APBB1IP: variants seen among roughly 807,000 people sequenced by gnomAD.
APBB1IP encodes the protein amyloid beta A4 precursor protein-binding family B member 1-interacting protein.
Under a neutral mutation model 64.9 loss-of-function variants are expected in APBB1IP, and 27 were observed. The observed-to-expected ratio is 0.42, with a 90% CI of 0.31 to 0.57. APBB1IP has a LOEUF of 0.57. Among genes scored for constraint, APBB1IP ranks in the 20% least tolerant of loss-of-function variants. APBB1IP has a pLI of 0.20. For synonymous variants in APBB1IP, 392 were observed against 331.0 expected (o/e 1.18, Z -2.00); for missense variants, 812 against 845.5 (o/e 0.96, Z 0.49).
At chr10:26,516,789 A>G (rs2040028) in intron 8 of APBB1IP, among the ~76,000 whole-genome samples, 11,425 of 152,206 alleles carry the variant, frequency 0.075, 517 homozygotes, top group Non-Finnish European at 0.1. Flanking sequence ...AACGTCTTGC[A>G]TGACTCAGCT....
chr10:26,531,396 G>A (rs139993541), intron 8 of APBB1IP, among the ~76,000 whole-genome samples: 1,989 of 152,042 alleles, frequency 0.013, 39 homozygotes, highest in African/African-American at 0.045. Flanking sequence ...AGCCAGGCGC[G>A]GTGGCTCATG....
At chr10:26,544,108 A>C (rs1287409747) in intron 11 of APBB1IP, among the ~76,000 whole-genome samples, 1 of 152,232 alleles carries the variant, frequency 6.6e-6, no homozygotes, top group Non-Finnish European at 1.5e-5. Context: ...TCTCTCAGAC[A>C]GTTTCTCAGG....
intron 2 of APBB1IP, among the ~76,000 whole-genome samples, chr10:26,476,446 CA>C (rs58548133): frequency 3.1e-4 from 24 of 78,226 alleles, no homozygotes; most frequent in East Asian, 8.0e-4. Flanking sequence ...GACCCTGTCT[CA>C]AAAAAAAAAA....
intron 2 of APBB1IP, among the ~76,000 whole-genome samples, chr10:26,491,453 C>T (rs546507523): frequency 1.8e-4 from 27 of 152,250 alleles, no homozygotes; most frequent in Middle Eastern, 3.4e-3. Flanking sequence ...CTTAGCCTTG[C>T]CAAAAATGTC....
chr10:26,487,395 T>A (rs937739627), intron 2 of APBB1IP, among the ~76,000 whole-genome samples: 1 of 152,230 alleles, frequency 6.6e-6, no homozygotes, highest in African/African-American at 2.4e-5. Flanking sequence ...GTAATATGAC[T>A]GAATTTACAG....
At chr10:26,501,283 C>A in intron 5 of APBB1IP, 172 bp downstream of exon 5, 1 of 845,652 alleles carries the variant, frequency 1.2e-6, no homozygotes, top group Non-Finnish European at 1.8e-6. Flanking sequence ...GTAAGCAAGC[C>A]ACATGGGTGT....
intron 11 of APBB1IP, among the ~76,000 whole-genome samples, chr10:26,550,526 A>G (rs1025168940): frequency 2.0e-5 from 3 of 151,910 alleles, no homozygotes; most frequent in African/African-American, 7.3e-5. Context: ...TGCTTGATCA[A>G]TTCTGCAGTT....
intron 8 of APBB1IP, 40 bp from the exon 9 acceptor site, chr10:26,533,399 A>G (rs929985651): frequency 2.3e-6 from 3 of 1,323,294 alleles, no homozygotes; most frequent in Non-Finnish European, 3.2e-6. Context: ...TAGTACGGTA[A>G]TGAACACTTA....
At chr10:26,500,778 C>A in intron 4 of APBB1IP, 41 bp from the exon 5 acceptor site, 1 of 1,547,528 alleles carries the variant, frequency 6.5e-7, no homozygotes, top group Non-Finnish European at 8.7e-7. Flanking sequence ...TTTCCAGATG[C>A]AAATAGGTTT....
chr10:26,490,460 A>G (rs1395957102), intron 2 of APBB1IP, among the ~76,000 whole-genome samples: 2 of 152,082 alleles, frequency 1.3e-5, no homozygotes, highest in East Asian at 1.9e-4. Flanking sequence ...CCCCGTCTCT[A>G]CTAAAAATAC....
At chr10:26,526,506 G>A (rs1188424940) in intron 8 of APBB1IP, among the ~76,000 whole-genome samples, 1 of 141,386 alleles carries the variant, frequency 7.1e-6, no homozygotes, top group African/African-American at 2.5e-5. Context: ...AGATCACGAA[G>A]TCAGGAGATC....
chr10:26,522,975 G>C (rs1214691439), intron 8 of APBB1IP, among the ~76,000 whole-genome samples: 1 of 132,608 alleles, frequency 7.5e-6, no homozygotes, highest in East Asian at 2.3e-4. Context: ...TTGCACTCCA[G>C]CCTGGGTGAC....
chr10:26,450,089 A>G (rs4749137), intron 2 of APBB1IP, among the ~76,000 whole-genome samples: 60,689 of 152,012 alleles, frequency 0.4, 12,271 homozygotes, highest in South Asian at 0.5. Flanking sequence ...GGTTTACAGC[A>G]TCTCAGAGAA....
chr10:26,465,530 G>T (rs1203898933), intron 2 of APBB1IP, among the ~76,000 whole-genome samples: 1 of 151,850 alleles, frequency 6.6e-6, no homozygotes, highest in South Asian at 2.1e-4. Flanking sequence ...AATGATTTTT[G>T]CACCTTCTGA....
intron 2 of APBB1IP, among the ~76,000 whole-genome samples, chr10:26,477,440 T>C (rs1835788616): frequency 6.6e-6 from 1 of 152,216 alleles, no homozygotes; most frequent in African/African-American, 2.4e-5. Flanking sequence ...AGTTTGACTT[T>C]GCAGAGTGGA....
intron 8 of APBB1IP, among the ~76,000 whole-genome samples, chr10:26,522,397 G>A (rs1008173307): frequency 2.0e-5 from 3 of 152,126 alleles, no homozygotes; most frequent in Admixed American, 2.0e-4. Flanking sequence ...GTCCATAATT[G>A]ACATTAATCT....
chr10:26,556,249 G>C (rs77136957), intron 11 of APBB1IP, among the ~76,000 whole-genome samples: 1 of 152,188 alleles, frequency 6.6e-6, no homozygotes, highest in Non-Finnish European at 1.5e-5. Context: ...CAAAAGGCTC[G>C]GTTAGGCAAT....
Position 26,496,321 on chromosome 10 carries a change from T to G in APBB1IP, c.90T>G (p.Thr30=). Residue 30 remains threonine, a synonymous_variant, in exon 4 of 15, where the codon ACT becomes ACG. Coordinates refer to ENST00000376236, the MANE Select transcript of APBB1IP (RefSeq NM_019043.4). ...TTTCACAGAGTTTAGGAGTTGACAC[T>G]CTCCCTCCTCCTGACCCTAATCCAC... ...DLLTQSLGVD[T]LPPPDPNPPR... 6.2e-7 allele frequency: 1 copy of G among 1,612,626 alleles called. No individual in the cohort carries two copies.
Position 26,567,127 on chromosome 10 carries a change from C to T in APBB1IP, c.1640C>T (p.Pro547Leu). The T allele has an allele frequency of 7.1e-7, 1 of 1,418,212 alleles. No individual in the cohort carries two copies. The highest frequency in any genetic ancestry group is 9.1e-7 in the Non-Finnish European group (1 of 1,097,434). 87.9% of individuals were successfully genotyped at this position (1,418,212 alleles called of 1,614,324 possible). Reference protein sequence around the residue: ...KAKGTGGGGLPAPPDDFLPPP... With the variant: ...KAKGTGGGGLLAPPDDFLPPP... ...AAGGGCACAGGCGGCGGGGGCTTGC[C>T]CGCCCCACCCGACGACTTCCTGCCG... The change falls in exon 15 of 15, where the codon CCC becomes CTC. Residue 547 changes from proline to leucine, a missense_variant. Around this residue, in one of 3 missense-constraint regions of APBB1IP, gnomAD observed 381 missense variants for 352.1 expected, o/e 1.08. Transcript: ENST00000376236.
Sources: allele counts gnomAD v4.1 joint callset (sites outside exome capture counted in the v4.1 genomes callset), GRCh38; gene constraint gnomAD v4.1.1; regional missense constraint gnomAD v4.1.1; transcripts MANE v1.5; gene names NCBI Gene and HGNC (gene_info 2026-07-23, HGNC 2026-07-21).